Variants in MMP15 observed in about 807,000 individuals in gnomAD.
MMP15 encodes the protein matrix metalloproteinase-15.
In MMP15, 36 loss-of-function variants were observed where a neutral mutation model predicts 65.0. The observed-to-expected ratio is 0.55, with a 90% confidence interval of 0.42 to 0.73. The LOEUF (loss-of-function observed/expected upper bound fraction) is 0.73, where lower values mean the gene tolerates loss of function less well. MMP15 is among the 30% of genes least tolerant of loss of function. The probability of loss-of-function intolerance (pLI) is 0.00; values close to 1 mark genes in which losing one functional copy is unlikely to be tolerated. For synonymous variants in MMP15, 428 were observed against 410.2 expected, an observed-to-expected ratio of 1.04 and a Z score of -0.52; for missense variants, 870 against 987.8, an observed-to-expected ratio of 0.88 and a Z score of 1.60.
chr16:58,038,383 T>C lies in MMP15; in HGVS notation c.429T>C (p.His143=), dbSNP rs1320334355. The C allele has an allele frequency of 1.1e-5, 18 of 1,613,904 alleles. No homozygotes were observed. Among genetic ancestry groups the C allele is most frequent in the African/African-American group, 1.3e-5 (1 of 74,936 alleles). The change falls in exon 3 of 10, where the codon CAT becomes CAC. Residue 143 remains histidine, a synonymous_variant. Coordinates refer to ENST00000219271, the MANE Select transcript of MMP15 (RefSeq NM_002428.4). ...ALTGRKWNNH[H]LTFSIQNYTE... ...CCGGGAGGAAGTGGAACAACCACCA[T>C]CTGACCTTTAGGTAGGGGGCTCAGC...
At chr16:58,040,494 C>G in intron 4 of MMP15, 43 bp from the exon 5 acceptor site, 1 of 1,598,404 alleles carries the variant, frequency 6.3e-7, no homozygotes, top group Non-Finnish European at 8.5e-7. Flanking sequence ...GGTCCTGGGA[C>G]TGGCCACAGC....
chr16:58,038,954 C>T (rs1959390094), intron 3 of MMP15, among the ~76,000 whole-genome samples: 1 of 152,184 alleles, frequency 6.6e-6, no homozygotes, highest in South Asian at 2.1e-4. Context: ...AAGGTCCAAC[C>T]AGCTAAAATA....
At chr16:58,040,915 C>A in intron 5 of MMP15, 1 of 686,080 alleles carries the variant, frequency 1.5e-6, no homozygotes, top group Non-Finnish European at 2.5e-6. Flanking sequence ...GAGGCTGTGG[C>A]TGCAGGCTAG....
chr16:58,029,968 A>G (rs996538849), intron 1 of MMP15, among the ~76,000 whole-genome samples: 8 of 151,970 alleles, frequency 5.3e-5, no homozygotes, highest in African/African-American at 1.9e-4. Flanking sequence ...GGTCCAGATG[A>G]TCCCTTCCAT....
Position 58,026,499 on chromosome 16 carries a change from A to G in MMP15, c.149A>G (p.Glu50Gly). 1 of 1,365,702 alleles carries G rather than the reference A, an allele frequency of 7.3e-7. No individual in the cohort carries two copies. Among genetic ancestry groups the G allele is most frequent in the Non-Finnish European group, 9.5e-7 (1 of 1,057,418 alleles). 84.6% of individuals were successfully genotyped at this position (1,365,702 alleles called of 1,614,324 possible). A position where few individuals can be genotyped will look rare whatever the true frequency, so the allele number is the denominator to read the frequency against. ...CTTGGCGTAGCGGCCGAAGACGCGG[A>G]GGTCCATGCCGAGGTAAGACCCCCG... ...LGLGVAAEDA[E>G]VHAENWLRLY... The change falls in exon 1 of 10, where the codon GAG becomes GGG. Residue 50 changes from glutamate (E) to glycine (G), a missense_variant. Glu to Gly is a moderately conservative substitution (Grantham distance 98). Coordinates refer to ENST00000219271, the MANE Select transcript of MMP15 (RefSeq NM_002428.4).
intron 1 of MMP15, among the ~76,000 whole-genome samples, chr16:58,030,936 A>G (rs1486610156): frequency 6.6e-6 from 1 of 152,056 alleles, no homozygotes; most frequent in East Asian, 1.9e-4. Context: ...TGTGCAAAAC[A>G]CTAAACGCTA....
intron 1 of MMP15, among the ~76,000 whole-genome samples, chr16:58,030,635 C>A (rs535500708): frequency 6.6e-6 from 1 of 152,200 alleles, no homozygotes; most frequent in Non-Finnish European, 1.5e-5. Context: ...GGCACTGGCA[C>A]TGGCACTGCC....
At chr16:58,027,314 C>A (rs1291301811) in intron 1 of MMP15, among the ~76,000 whole-genome samples, 4 of 152,244 alleles carry the variant, frequency 2.6e-5, no homozygotes, top group Non-Finnish European at 5.9e-5. Flanking sequence ...GGCGCGACAT[C>A]CCGGCGTAGA....
chr16:58,043,471 G>A (rs1959495325), intron 8 of MMP15, 41 bp from the exon 9 acceptor site: 1 of 1,608,274 alleles, frequency 6.2e-7, no homozygotes, highest in Admixed American at 1.7e-5. Context: ...CCTGGCCCAA[G>A]CAGGATCTCT....
In MMP15 at chr16:58,031,194, G is replaced by A. The variant is rs76045219; in HGVS notation, c.162+4682G>A. Among the ~76,000 whole-genome samples, 981 of 152,302 alleles carry A rather than the reference G, an allele frequency of 6.4e-3. 3 individuals are homozygous for A. The highest frequency in any genetic ancestry group is 0.011 in the Non-Finnish European group (777 of 68,022). On this transcript the variant is annotated intron_variant, in intron 1 of 9. Coordinates refer to ENST00000219271, the MANE Select transcript of MMP15 (RefSeq NM_002428.4). ...CCAGGGAGTGGCAGAGCTTGGATTT[G>A]AACCCAGCTCAGTCTGGCCTGGAGC...
chr16:58,029,322 C>T (rs1963865501), intron 1 of MMP15, among the ~76,000 whole-genome samples: 1 of 152,232 alleles, frequency 6.6e-6, no homozygotes, highest in Non-Finnish European at 1.5e-5. Context: ...CCCACTGGTC[C>T]CCTCTTTCTT....
chr16:58,031,853 CTTTTTTTTTTTTTTTTT>C (rs749779284), intron 1 of MMP15, among the ~76,000 whole-genome samples: 5 of 57,746 alleles, frequency 8.7e-5, no homozygotes, highest in East Asian at 1.2e-3. Context: ...TCGATGCCGC[CTTTTTTTTTTTTTTTTT>C]TTTTTTTTTT....
At chr16:58,042,416 C>A in intron 7 of MMP15, 47 bp downstream of exon 7, 1 of 1,600,312 alleles carries the variant, frequency 6.2e-7, no homozygotes, top group Non-Finnish European at 8.5e-7. Context: ...CCTGCCATGA[C>A]CTCTGACCCT....
At chr16:58,032,485 G>T (rs902846923) in intron 1 of MMP15, among the ~76,000 whole-genome samples, 9 of 152,236 alleles carry the variant, frequency 5.9e-5, no homozygotes, top group Non-Finnish European at 1.2e-4. Context: ...TGAGTTTTTG[G>T]CCAGCTGTAG....
intron 1 of MMP15, among the ~76,000 whole-genome samples, chr16:58,027,468 A>G (rs1387821329): frequency 2.6e-5 from 4 of 152,076 alleles, no homozygotes; most frequent in South Asian, 2.1e-4. Context: ...AGGCGGGGAG[A>G]GGACTTGGGC....
In MMP15 at chr16:58,040,708, C is replaced by G; in HGVS notation, c.910+10C>G. 6.2e-7 allele frequency: 1 copy of G among 1,613,952 alleles called. No homozygotes were observed. The highest frequency in any genetic ancestry group is 8.5e-7 in the Non-Finnish European group (1 of 1,180,042). ...ATCCAGCAGCTCTACGGTGCGTGGG[C>G]TGTGACCAGCGGGCTCTGCATGCCG... is the stretch of plus-strand genomic sequence containing the variant. On this transcript the variant is annotated intron_variant, in intron 5 of 9. Transcript: ENST00000219271.
intron 9 of MMP15, among the ~76,000 whole-genome samples, chr16:58,044,214 T>TG (rs1321916779): frequency 6.6e-6 from 1 of 152,208 alleles, no homozygotes; most frequent in African/African-American, 2.4e-5. Context: ...GAGAGGCCGA[T>TG]GCGAGAGGAT....
chr16:58,026,297 G>A lies in MMP15; in HGVS notation c.-54G>A. Reference sequence around the variant, plus strand: ...CCAGGGAGCGTCGCAAGTTTCCAAGGCGCGTGCGAGGATCCGGCGTGCAGT... The same window carrying A: ...CCAGGGAGCGTCGCAAGTTTCCAAGACGCGTGCGAGGATCCGGCGTGCAGT... On this transcript the variant is annotated 5_prime_UTR_variant, in exon 1 of 10. Coordinates refer to ENST00000219271, the MANE Select transcript of MMP15 (RefSeq NM_002428.4). The A allele has an allele frequency of 8.0e-7, 1 of 1,249,558 alleles. No individual in the cohort carries two copies. Among genetic ancestry groups the A allele is most frequent in the Non-Finnish European group, 1.0e-6 (1 of 996,962 alleles). 77.4% of individuals were successfully genotyped at this position (1,249,558 alleles called of 1,614,324 possible).
intron 1 of MMP15, among the ~76,000 whole-genome samples, chr16:58,032,361 C>T (rs929344719): frequency 3.9e-5 from 6 of 152,336 alleles, no homozygotes; most frequent in East Asian, 3.9e-4. Context: ...GGCAGCCTTC[C>T]GGGGGCTGAC....
Sources: allele counts gnomAD v4.1 joint callset (sites outside exome capture counted in the v4.1 genomes callset), GRCh38; gene constraint gnomAD v4.1.1; transcripts MANE v1.5; gene names NCBI Gene and HGNC (gene_info 2026-07-23, HGNC 2026-07-21).